ZFP64: variants seen among roughly 807,000 people sequenced by gnomAD.
ZFP64 encodes the protein zinc finger protein 64.
ZFP64 carries 14 observed loss-of-function variants against 51.6 expected under a neutral mutation model. The ratio of observed to expected loss-of-function variants is 0.27; its 90% CI spans 0.18 to 0.42. The LOEUF (loss-of-function observed/expected upper bound fraction) is 0.42, where lower values mean the gene tolerates loss of function less well. ZFP64 is among the 10% of genes least tolerant of loss of function. The probability of loss-of-function intolerance (pLI) is 1.00; values close to 1 mark genes in which losing one functional copy is unlikely to be tolerated. For missense variants in ZFP64, 754 were observed against 906.8 expected (o/e 0.83, Z 2.16); for synonymous variants, 375 against 361.4 (o/e 1.04, Z -0.43).
chr20:52,164,809 G>C (rs769385666), intron 3 of ZFP64, 52 bp from the exon 4 acceptor site: 1 of 1,504,236 alleles, frequency 6.6e-7, no homozygotes, highest in Non-Finnish European at 9.2e-7. Context: ...GTAACTTTTA[G>C]CATGGAGAAA....
Position 52,151,622 on chromosome 20 carries a change from T to C in ZFP64, c.*524A>G. 1 of 987,560 alleles carries C rather than the reference T, an allele frequency of 1.0e-6. No individual in the cohort carries two copies. Among genetic ancestry groups the C allele is most frequent in the Non-Finnish European group, 1.2e-6 (1 of 831,268 alleles). The allele number at this position is 987,560 out of a possible 1,614,324, so 61.2% of individuals were successfully genotyped here. A position where few individuals can be genotyped will look rare whatever the true frequency, so the allele number is the denominator to read the frequency against. ...GGAATCATCTTGGTAACATTTAAGA[T>C]TCTACAACAGTTATAATGCGACGAT... is the stretch of plus-strand genomic sequence containing the variant. On this transcript the variant is annotated 3_prime_UTR_variant, in exon 6 of 6. Transcript: ENST00000216923.
chr20:52,096,882 CTG>C, intron 7 of ZFP64: 1 of 351,288 alleles, frequency 2.8e-6, no homozygotes, highest in Non-Finnish European at 5.6e-6. Flanking sequence ...GAGCAGGACT[CTG>C]TCTCAGAGAA....
At chr20:52,099,832 G>A (rs74772383) in intron 5 of ZFP64, among the ~76,000 whole-genome samples, 8 of 152,176 alleles carry the variant, frequency 5.3e-5, no homozygotes, top group Non-Finnish European at 1.2e-4. Context: ...GTTGAACTAG[G>A]TGAAATCGCT....
chr20:52,111,519 A>AT (rs528362906), intron 5 of ZFP64, among the ~76,000 whole-genome samples: 2,962 of 147,096 alleles, frequency 0.02, 57 homozygotes, highest in Admixed American at 0.051. Flanking sequence ...CCAGAATCCG[A>AT]TTTTTTTTTT....
chr20:52,138,046 TAAATAAATAAGC>T (rs1377377787), intron 5 of ZFP64, among the ~76,000 whole-genome samples: 2 of 123,264 alleles, frequency 1.6e-5, no homozygotes, highest in South Asian at 2.3e-4. Context: ...AATAAATAAA[TAAATAAATAAGC>T]AAGCCAGGCA....
intron 2 of ZFP64, among the ~76,000 whole-genome samples, chr20:52,167,619 T>C (rs553779612): frequency 6.7e-6 from 1 of 150,202 alleles, no homozygotes; most frequent in African/African-American, 2.4e-5. Flanking sequence ...TTTCTTAGAA[T>C]GTACTTTGTC....
Position 52,191,614 on chromosome 20 carries a change from T to C in ZFP64, c.23A>G (p.Glu8Gly). 7 of 1,589,658 alleles carry C rather than the reference T, an allele frequency of 4.4e-6. No individual in the cohort carries two copies. The highest frequency in any genetic ancestry group is 6.0e-6 in the Non-Finnish European group (7 of 1,170,760). The change falls in exon 1 of 6, where the codon GAG becomes GGG. Residue 8 changes from glutamate to glycine, a missense_variant. By Grantham distance (98) the Glu-to-Gly change is moderately conservative (BLOSUM62 -2). Around this residue, in one of 3 missense-constraint regions of ZFP64, gnomAD observed 95 missense variants for 97.7 expected, o/e 0.97. Coordinates refer to ENST00000216923, the MANE Select transcript of ZFP64 (RefSeq NM_018197.3). The surrounding 1 kb of genome is among the most constrained non-coding windows in gnomAD (Gnocchi z 4.3). MNASSEG[E>G]SFAGSVQIPG... ...ACTTTGCACCGAGCCCGCGAAGCTCTCGCCCTCGCTGCTCGCGTTCATGGC... is the reference window on the plus strand; with the variant it reads ...ACTTTGCACCGAGCCCGCGAAGCTCCCGCCCTCGCTGCTCGCGTTCATGGC...
chr20:52,162,095 C>T (rs193066877), intron 4 of ZFP64, among the ~76,000 whole-genome samples: 2 of 151,220 alleles, frequency 1.3e-5, no homozygotes, highest in Non-Finnish European at 2.9e-5. Flanking sequence ...GTCAGGAGTT[C>T]GAGACCAGCC....
At chr20:52,138,253 T>A (rs1980080431) in intron 5 of ZFP64, among the ~76,000 whole-genome samples, 1 of 151,642 alleles carries the variant, frequency 6.6e-6, no homozygotes, top group Non-Finnish European at 1.5e-5. Context: ...AGGATGGAGA[T>A]GAATATATAA....
intron 2 of ZFP64, among the ~76,000 whole-genome samples, chr20:52,182,583 G>A (rs1272443364): frequency 6.6e-6 from 1 of 152,144 alleles, no homozygotes; most frequent in Non-Finnish European, 1.5e-5. Context: ...GCTGGATATG[G>A]TGGCGCAGGC....
chr20:52,143,127 T>C (rs1980358321), intron 5 of ZFP64, among the ~76,000 whole-genome samples: 1 of 143,496 alleles, frequency 7.0e-6, no homozygotes, highest in Admixed American at 7.2e-5. Context: ...GACTATAGTA[T>C]GGTATAAACA....
At chr20:52,110,918 C>T in intron 5 of ZFP64, 1 of 1,598,130 alleles carries the variant, frequency 6.3e-7, no homozygotes, top group Non-Finnish European at 8.6e-7. Context: ...CGCCTGAACT[C>T]ATCCTGCTTC....
chr20:52,164,675 G>A lies in ZFP64; in HGVS notation c.511+20C>T, dbSNP rs769356010. On this transcript the variant is annotated intron_variant, in intron 4 of 5. Coordinates refer to ENST00000216923, the MANE Select transcript of ZFP64 (RefSeq NM_018197.3). ...CAGAGCAGGTGTTGAGGGCATATGC[G>A]CTAAAGAAATGCTACTTACCCGTGT... The A allele has an allele frequency of 8.7e-6, 14 of 1,610,472 alleles. No individual in the cohort carries two copies. In the Admixed American group the frequency reaches 1.2e-4, roughly 13 times the overall value.
intron 7 of ZFP64, chr20:52,088,993 G>A: frequency 1.9e-6 from 1 of 530,150 alleles, no homozygotes; most frequent in Non-Finnish European, 3.7e-6. Flanking sequence ...GAATGGTCAG[G>A]TGGACCCCTT....
chr20:52,152,353 G>A lies in ZFP64; in HGVS notation c.1839C>T (p.Asp613=), dbSNP rs751137128. The A allele has an allele frequency of 6.2e-7, 1 of 1,614,202 alleles. No homozygotes were observed. The highest frequency in any genetic ancestry group is 8.5e-7 in the Non-Finnish European group (1 of 1,180,048). Residue 613 remains aspartate, a synonymous_variant, in exon 6 of 6, where the codon GAC becomes GAT. Coordinates refer to ENST00000216923, the MANE Select transcript of ZFP64 (RefSeq NM_018197.3). ...GAATCAAGGCGTTTAGGCCTTCAAAGTCAGTGCAAGTAATACCCGAACTGG... is the reference window on the plus strand; with the variant it reads ...GAATCAAGGCGTTTAGGCCTTCAAAATCAGTGCAAGTAATACCCGAACTGG... ...FITSSGITCT[D]FEGLNALIQE... is the part of the protein sequence containing the mutation.
intron 1 of ZFP64, among the ~76,000 whole-genome samples, chr20:52,189,719 C>T (rs1447898842): frequency 6.6e-6 from 1 of 152,076 alleles, no homozygotes; most frequent in East Asian, 1.9e-4. Context: ...TGTGATCCGC[C>T]CGCCTCAGCC....
intron 3 of ZFP64, chr20:52,165,433 T>A (rs1042661528): frequency 2.2e-6 from 1 of 456,222 alleles, no homozygotes; most frequent in East Asian, 6.9e-5. Flanking sequence ...AAAGCAAATA[T>A]AATAAAATGG....
intron 5 of ZFP64, among the ~76,000 whole-genome samples, chr20:52,122,718 G>C (rs1291819127): frequency 6.6e-6 from 1 of 152,074 alleles, no homozygotes; most frequent in African/African-American, 2.4e-5. Context: ...CGATGACTTT[G>C]AGGGGTTCAA....
At chr20:52,180,822 C>T (rs1030763025) in intron 2 of ZFP64, among the ~76,000 whole-genome samples, 4 of 152,178 alleles carry the variant, frequency 2.6e-5, no homozygotes, top group African/African-American at 9.7e-5. Flanking sequence ...GTAACCTGCC[C>T]AAGGTCACAT....
Sources: gnomAD v4.1 joint callset for allele counts (sites outside exome capture counted in the v4.1 genomes callset) on GRCh38, gnomAD v4.1.1 for gene constraint, gnomAD v4.1.1 regional missense constraint, Gnocchi (gnomAD v3.1) non-coding constraint, MANE v1.5 for transcripts, NCBI Gene and HGNC (gene_info 2026-07-23, HGNC 2026-07-21) for gene names.